Variants in B4GALNT3 observed in about 807,000 individuals in gnomAD.
The protein encoded by B4GALNT3 is beta-1,4-N-acetylgalactosaminyltransferase 3.
A neutral mutation model predicts 120.2 loss-of-function variants in B4GALNT3; 86 were observed. The ratio of observed to expected loss-of-function variants is 0.72; its 90% CI spans 0.60 to 0.86. The LOEUF is 0.86. B4GALNT3 is among the 40% of genes least tolerant of loss of function. B4GALNT3 has a pLI of 0.00. For missense variants in B4GALNT3, 1,167 were observed against 1,298.9 expected, an observed-to-expected ratio of 0.90 and a Z score of 1.56; for synonymous variants, 518 against 510.4, an observed-to-expected ratio of 1.01 and a Z score of -0.20.
intron 7 of B4GALNT3, chr12:546,952 A>C: frequency 1.8e-6 from 1 of 545,930 alleles, no homozygotes; most frequent in Non-Finnish European, 3.3e-6. Context: ...CTCTTTAGTG[A>C]CACGCGGGAC....
At chr12:484,929 T>G (rs1303809573) in intron 1 of B4GALNT3, among the ~76,000 whole-genome samples, 1 of 152,032 alleles carries the variant, frequency 6.6e-6, no homozygotes, top group African/African-American at 2.4e-5. Context: ...CATCCTGTGG[T>G]GTATGTGGGC....
At chr12:530,144 C>T (rs1946792282) in intron 1 of B4GALNT3, among the ~76,000 whole-genome samples, 1 of 152,198 alleles carries the variant, frequency 6.6e-6, no homozygotes, top group African/African-American at 2.4e-5. Context: ...AGCAATACAT[C>T]CTGCCGTGTA....
At chr12:471,113 G>A (rs1038784106) in intron 1 of B4GALNT3, among the ~76,000 whole-genome samples, 2 of 151,770 alleles carry the variant, frequency 1.3e-5, no homozygotes, top group Non-Finnish European at 2.9e-5. Context: ...TTGTGGCTGG[G>A]CGCGGTGGCT....
intron 1 of B4GALNT3, among the ~76,000 whole-genome samples, chr12:466,373 G>A (rs1030605005): frequency 2.0e-5 from 3 of 152,124 alleles, no homozygotes; most frequent in Non-Finnish European, 2.9e-5. Context: ...TTGGCCGCTC[G>A]CTGTCTAGTT....
intron 1 of B4GALNT3, among the ~76,000 whole-genome samples, chr12:524,859 C>G (rs573621718): frequency 6.6e-6 from 1 of 152,092 alleles, no homozygotes; most frequent in Non-Finnish European, 1.5e-5. Context: ...GACTGGCCTG[C>G]GCAAACGCAC....
chr12:524,102 G>A (rs1433761281), intron 1 of B4GALNT3, among the ~76,000 whole-genome samples: 1 of 152,152 alleles, frequency 6.6e-6, no homozygotes, highest in East Asian at 1.9e-4. Context: ...AGACTGATCC[G>A]TGGTGGGATG....
intron 1 of B4GALNT3, among the ~76,000 whole-genome samples, chr12:473,407 G>A (rs572286210): frequency 2.0e-5 from 3 of 152,138 alleles, no homozygotes; most frequent in East Asian, 1.9e-4. Context: ...GCGCCTAGCC[G>A]GAAGGAGTGG....
chr12:557,813 T>G, intron 16 of B4GALNT3, 52 bp downstream of exon 16: 1 of 1,560,400 alleles, frequency 6.4e-7, no homozygotes, highest in Non-Finnish European at 8.7e-7. Context: ...CATCCTAAAG[T>G]CCTAGGGCTG....
intron 1 of B4GALNT3, among the ~76,000 whole-genome samples, chr12:524,343 C>A (rs1946741376): frequency 6.6e-6 from 1 of 152,246 alleles, no homozygotes. Flanking sequence ...GCAGATCTAG[C>A]AGCTGGCAGC....
chr12:558,155 G>A (rs768065333), intron 17 of B4GALNT3, 67 bp downstream of exon 17: 54 of 1,544,512 alleles, frequency 3.5e-5, no homozygotes, highest in Non-Finnish European at 4.7e-5. Context: ...GAGACATTTG[G>A]GGTAAATGAG....
chr12:466,220 G>A (rs530285991), intron 1 of B4GALNT3, among the ~76,000 whole-genome samples: 2 of 152,240 alleles, frequency 1.3e-5, no homozygotes, highest in South Asian at 4.2e-4. Context: ...CTGGCTTCTG[G>A]AGAGGCTGGT....
chr12:497,683 C>G (rs748495022), intron 1 of B4GALNT3, among the ~76,000 whole-genome samples: 1 of 152,222 alleles, frequency 6.6e-6, no homozygotes, highest in East Asian at 1.9e-4. Context: ...TCTGGAGAAC[C>G]GGCTTTGTTC....
At chr12:539,098 G>A (rs1355023417) in intron 3 of B4GALNT3, among the ~76,000 whole-genome samples, 1 of 152,194 alleles carries the variant, frequency 6.6e-6, no homozygotes, top group Non-Finnish European at 1.5e-5. Context: ...CCTGCCCCGA[G>A]CTTTGGCTGG....
intron 1 of B4GALNT3, among the ~76,000 whole-genome samples, chr12:465,406 G>A (rs544159947): frequency 6.6e-6 from 1 of 152,042 alleles, no homozygotes; most frequent in Non-Finnish European, 1.5e-5. Flanking sequence ...GTTTATCAGG[G>A]ACTGATCCAA....
At chr12:557,028 A>G (rs1947164379) in intron 15 of B4GALNT3, among the ~76,000 whole-genome samples, 162 bp downstream of exon 15, 2 of 152,190 alleles carry the variant, frequency 1.3e-5, no homozygotes, top group Non-Finnish European at 2.9e-5. Context: ...CACTGGTTTA[A>G]GGTTATGTGG....
In B4GALNT3 at chr12:561,557, C is replaced by T. The variant is rs1207348277; in HGVS notation, c.*106C>T. ...GGGGAGTGGGGTGACGGCTGGACCC[C>T]AAGAGGCCTCGAAGCTGACGGCCCA... is the stretch of plus-strand genomic sequence containing the variant. On this transcript the variant is annotated 3_prime_UTR_variant, in exon 20 of 20. Coordinates refer to ENST00000266383, the MANE Select transcript of B4GALNT3 (RefSeq NM_173593.4). 5 of 884,886 alleles carry T rather than the reference C, an allele frequency of 5.7e-6. No individual in the cohort carries two copies. The highest frequency in any genetic ancestry group is 8.6e-6 in the Non-Finnish European group (5 of 580,416). 54.8% of individuals were successfully genotyped at this position (884,886 alleles called of 1,614,324 possible). A position where few individuals can be genotyped will look rare whatever the true frequency, so the allele number is the denominator to read the frequency against.
chr12:513,190 TCCAC>T (rs1442671447), intron 1 of B4GALNT3, among the ~76,000 whole-genome samples: 7 of 107,072 alleles, frequency 6.5e-5, no homozygotes, highest in African/African-American at 1.4e-4. Flanking sequence ...TCTTCCACCT[TCCAC>T]CTTCCACCTT....
chr12:558,408 C>G, intron 17 of B4GALNT3, 100 bp from the exon 18 acceptor site: 1 of 1,137,922 alleles, frequency 8.8e-7, no homozygotes, highest in East Asian at 2.4e-5. Context: ...GTTTGTGAAT[C>G]ACTCCAATAG....
chr12:474,701 T>C (rs956185599), intron 1 of B4GALNT3, among the ~76,000 whole-genome samples: 2 of 152,084 alleles, frequency 1.3e-5, no homozygotes, highest in South Asian at 2.1e-4. Flanking sequence ...GGCACACACC[T>C]GTAATCTCAG....
Sources: allele counts gnomAD v4.1 joint callset (sites outside exome capture counted in the v4.1 genomes callset), GRCh38; gene constraint gnomAD v4.1.1; transcripts MANE v1.5; gene names NCBI Gene and HGNC (gene_info 2026-07-23, HGNC 2026-07-21).